The following VWA5B1 variants were observed in gnomAD, a reference collection of about 807,000 sequenced individuals.
VWA5B1 encodes von Willebrand factor A domain containing 5B1, also known as von Willebrand factor A domain-containing protein 5B1.
In VWA5B1, 115 loss-of-function variants were observed where a neutral mutation model predicts 118.2. That is an observed-to-expected ratio of 0.97 (90% CI 0.84 to 1.14). VWA5B1 has a LOEUF of 1.14. VWA5B1 is among the 50% of genes most tolerant of loss of function. The pLI is 0.00. For missense variants in VWA5B1, 1,596 were observed against 1,603.8 expected (o/e 1.00, Z 0.08); for synonymous variants, 682 against 658.4 (o/e 1.04, Z -0.55).
At chr1:20,353,670 G>T in intron 21 of VWA5B1, 87 bp from the exon 22 acceptor site, 1 of 1,422,012 alleles carries the variant, frequency 7.0e-7, no homozygotes, top group East Asian at 2.6e-5. Context: ...GGGTGGGGTG[G>T]GCAACATGGA....
Position 20,354,349 on chromosome 1 carries a change from T to C in VWA5B1, c.*86T>C. 7.0e-7 allele frequency: 1 copy of C among 1,434,480 alleles called. No homozygotes were observed. The highest frequency in any genetic ancestry group is 9.3e-7 in the Non-Finnish European group (1 of 1,080,558). 88.9% of individuals were successfully genotyped at this position (1,434,480 alleles called of 1,614,324 possible). A position where few individuals can be genotyped will look rare whatever the true frequency, so the allele number is the denominator to read the frequency against. Reference sequence around the variant, plus strand: ...TGTCGGCCTGGTTTCGGGGAGCTTTTGGAGCTGTAACTAATATTTCAGTTA... The same window carrying C: ...TGTCGGCCTGGTTTCGGGGAGCTTTCGGAGCTGTAACTAATATTTCAGTTA... On this transcript the variant is annotated 3_prime_UTR_variant, in exon 22 of 22. Coordinates refer to ENST00000289815, the MANE Select transcript of VWA5B1 (RefSeq NM_001039500.3).
At chr1:20,346,128 A>G (rs1409576298) in intron 17 of VWA5B1, among the ~76,000 whole-genome samples, 1 of 152,262 alleles carries the variant, frequency 6.6e-6, no homozygotes, top group Non-Finnish European at 1.5e-5. Flanking sequence ...TATCATTTTA[A>G]TAGCATATTC....
intron 14 of VWA5B1, chr1:20,339,165 A>G (rs1348112286): frequency 6.6e-6 from 1 of 152,260 alleles, no homozygotes; most frequent in Admixed American, 6.5e-5. Context: ...GTCTGCAGAC[A>G]CTGCCAAATG....
Position 20,327,970 on chromosome 1 carries a change from C to A in VWA5B1, c.1224C>A (p.Ser408Arg). 3.9e-6 allele frequency: 6 copies of A among 1,551,512 alleles called. No individual in the cohort carries two copies. Among genetic ancestry groups the A allele is most frequent in the East Asian group, 4.9e-5 (2 of 40,916 alleles). The change falls in exon 9 of 22, where the codon AGC becomes AGA. Residue 408 changes from serine to arginine, a missense_variant. Ser to Arg is a moderately radical substitution (Grantham distance 110, BLOSUM62 -1). Coordinates refer to ENST00000289815, the MANE Select transcript of VWA5B1 (RefSeq NM_001039500.3). ...NIIGFGSTFK[S>R]LFPSSQTYSE... ...TTGGGTTTGGATCCACATTTAAGAG[C>A]CTTTTTCCTTCCAGCCAGACCTACA... is the stretch of plus-strand genomic sequence containing the variant.
intron 14 of VWA5B1, chr1:20,338,043 A>G (rs200595057): frequency 2.7e-4 from 193 of 708,760 alleles, no homozygotes; most frequent in Non-Finnish European, 4.5e-4. Flanking sequence ...AAGCTCGCTC[A>G]TTCCCTGCAC....
At chr1:20,308,467 C>T (rs2088735519) in intron 1 of VWA5B1, among the ~76,000 whole-genome samples, 2 of 152,116 alleles carry the variant, frequency 1.3e-5, no homozygotes, top group South Asian at 4.2e-4. Context: ...AGGAGCGAAC[C>T]AGGATGCAGG....
chr1:20,317,717 G>C (rs570267661), intron 5 of VWA5B1, 42 bp downstream of exon 5: 6 of 1,489,844 alleles, frequency 4.0e-6, no homozygotes, highest in Non-Finnish European at 4.5e-6. Flanking sequence ...AGCTTCAGGC[G>C]AAAAGCCAAA....
intron 8 of VWA5B1, 104 bp downstream of exon 8, chr1:20,323,636 T>C: frequency 8.2e-7 from 1 of 1,216,890 alleles, no homozygotes; most frequent in Non-Finnish European, 1.1e-6. Context: ...AAGAAACAAC[T>C]TTTAAAAATC....
chr1:20,310,480 T>C lies in VWA5B1; in HGVS notation c.-26-96T>C, dbSNP rs963476834. 2.7e-5 allele frequency: 32 copies of C among 1,194,122 alleles called. No homozygotes were observed. In the East Asian group the frequency reaches 6.9e-4, roughly 26 times the overall value. The allele number at this position is 1,194,122 out of a possible 1,614,324, so 74.0% of individuals were successfully genotyped here. Reference sequence around the variant, plus strand: ...TTCTTGGGGAAAATGAAAACAATGATGCTCTGATTGCTTGAGGGTGTCTGA... The same window carrying C: ...TTCTTGGGGAAAATGAAAACAATGACGCTCTGATTGCTTGAGGGTGTCTGA... On this transcript the variant is annotated intron_variant, in intron 1 of 21. Transcript: ENST00000289815.
intron 3 of VWA5B1, among the ~76,000 whole-genome samples, chr1:20,313,879 C>T (rs1242808153): frequency 6.6e-6 from 1 of 152,062 alleles, no homozygotes; most frequent in Non-Finnish European, 1.5e-5. Flanking sequence ...AAAAGACCAG[C>T]CCAGATCAGG....
rs773483397 is a variant in VWA5B1 at position 20,310,699 on chromosome 1, C to A, written c.98C>A (p.Ala33Asp). Residue 33 changes from alanine to aspartate, a missense_variant, in exon 2 of 22, where the codon GCC becomes GAC. Ala to Asp is a moderately radical substitution (Grantham distance 126). Transcript: ENST00000289815. ...CVSGYALGLTASLTYGNLEAQ... is the reference protein window; with the variant it reads ...CVSGYALGLTDSLTYGNLEAQ... ...AGCGGTTATGCCCTGGGCCTAACTG[C>A]CTCCCTCACCTATGGCAACCTGGAA... 2 of 1,550,738 alleles carry A rather than the reference C, an allele frequency of 1.3e-6. No homozygotes were observed. Among genetic ancestry groups the A allele is most frequent in the East Asian group, 2.5e-5 (1 of 40,794 alleles).
At chr1:20,352,019 T>C in intron 20 of VWA5B1, 36 bp from the exon 21 acceptor site, 1 of 1,524,106 alleles carries the variant, frequency 6.6e-7, no homozygotes, top group South Asian at 1.2e-5. Flanking sequence ...CACTGGAGGT[T>C]GGGATGCCCA....
At chr1:20,339,571 A>G (rs989973830) in intron 14 of VWA5B1, among the ~76,000 whole-genome samples, 3 of 151,540 alleles carry the variant, frequency 2.0e-5, no homozygotes, top group African/African-American at 7.3e-5. Flanking sequence ...AACAAACAAA[A>G]GAATGGGCTT....
chr1:20,305,741 C>T (rs1261471515), intron 1 of VWA5B1, among the ~76,000 whole-genome samples: 2 of 151,638 alleles, frequency 1.3e-5, no homozygotes, highest in East Asian at 3.9e-4. Context: ...TGGCCTGTTA[C>T]AAGACGGGTG....
chr1:20,324,492 G>T (rs998733889), intron 8 of VWA5B1, among the ~76,000 whole-genome samples: 7 of 152,276 alleles, frequency 4.6e-5, no homozygotes, highest in African/African-American at 1.7e-4. Flanking sequence ...GAAAAGGGTC[G>T]TCTATCCTCT....
At position 20,350,932 on chromosome 1, in the gene VWA5B1, TG is replaced by T. The variant is rs1447707012; in HGVS notation, c.3023+9del. ...GAGAATCTCTTTGGATCCTGGTAGGTGGGATTTCCAATAAAGGTACACTCTC... is the reference window on the plus strand; with the variant it reads ...GAGAATCTCTTTGGATCCTGGTAGGTGGATTTCCAATAAAGGTACACTCTC... On this transcript the variant is annotated splice_region_variant and intron_variant, in intron 20 of 21. Coordinates refer to ENST00000289815, the MANE Select transcript of VWA5B1 (RefSeq NM_001039500.3). 1 of 1,551,698 alleles carries T rather than the reference TG, an allele frequency of 6.4e-7. No homozygotes were observed. Among genetic ancestry groups the T allele is most frequent in the Non-Finnish European group, 8.7e-7 (1 of 1,146,872 alleles).
intron 4 of VWA5B1, among the ~76,000 whole-genome samples, chr1:20,316,389 T>C (rs1204607062): frequency 6.6e-6 from 1 of 152,174 alleles, no homozygotes. Flanking sequence ...GACATCAAGT[T>C]AGCAGCGAGG....
At chr1:20,303,682 CT>C (rs957225575) in intron 1 of VWA5B1, among the ~76,000 whole-genome samples, 1 of 152,166 alleles carries the variant, frequency 6.6e-6, no homozygotes, top group Non-Finnish European at 1.5e-5. Flanking sequence ...CTAGGTACCC[CT>C]AACCACTACC....
At chr1:20,348,109 T>G (rs1557448000) in intron 17 of VWA5B1, 136 bp from the exon 18 acceptor site, 1 of 840,030 alleles carries the variant, frequency 1.2e-6, no homozygotes, top group Non-Finnish European at 1.9e-6. Flanking sequence ...GCTTATGGTC[T>G]TACCCTGTAC....
Sources: gnomAD v4.1 joint callset for allele counts (sites outside exome capture counted in the v4.1 genomes callset) on GRCh38, gnomAD v4.1.1 for gene constraint, MANE v1.5 for transcripts, NCBI Gene and HGNC (gene_info 2026-07-23, HGNC 2026-07-21) for gene names.